Variants in CLIP1 observed in about 807,000 individuals in gnomAD.
The protein encoded by CLIP1 is CAP-Gly domain-containing linker protein 1.
CLIP1 carries 66 observed loss-of-function variants against 161.6 expected under a neutral mutation model. The observed-to-expected ratio is 0.41, with a 90% CI of 0.33 to 0.50. The LOEUF (loss-of-function observed/expected upper bound fraction) is 0.50, where lower values mean the gene tolerates loss of function less well. Among genes scored for constraint, CLIP1 ranks in the 20% least tolerant of loss-of-function variants. The probability of loss-of-function intolerance (pLI) is 0.27; values close to 1 mark genes in which losing one functional copy is unlikely to be tolerated. For synonymous variants in CLIP1, 598 were observed against 626.2 expected, an observed-to-expected ratio of 0.96 and a Z score of 0.67; for missense variants, 1,376 against 1,702.0, an observed-to-expected ratio of 0.81 and a Z score of 3.37.
intron 21 of CLIP1, among the ~76,000 whole-genome samples, chr12:122,284,943 A>G (rs545825203): frequency 6.6e-6 from 1 of 152,038 alleles, no homozygotes; most frequent in South Asian, 2.1e-4. Context: ...CATTTTATGT[A>G]TTTATTTTAT....
chr12:122,368,910 A>T (rs1413336689), intron 3 of CLIP1, among the ~76,000 whole-genome samples: 14 of 152,234 alleles, frequency 9.2e-5, no homozygotes, highest in Admixed American at 5.9e-4. Flanking sequence ...CAATAAAAAA[A>T]AAATAAAATA....
At chr12:122,422,431 C>T (rs1956984678) in intron 1 of CLIP1, 90 bp downstream of exon 1, 1 of 151,568 alleles carries the variant, frequency 6.6e-6, no homozygotes, top group Non-Finnish European at 1.5e-5. Flanking sequence ...ACCCCCGACC[C>T]GACCCTGGGC....
chr12:122,342,123 C>T (rs925972994), intron 10 of CLIP1: 3 of 152,598 alleles, frequency 2.0e-5, no homozygotes, highest in African/African-American at 7.2e-5. Context: ...TAATAACTAC[C>T]CCATCTCAGG....
At chr12:122,387,542 C>T (rs1327032188) in intron 1 of CLIP1, among the ~76,000 whole-genome samples, 6 of 106,298 alleles carry the variant, frequency 5.6e-5, no homozygotes, top group African/African-American at 1.1e-4. Flanking sequence ...GAATACATGC[C>T]TTTTCATATA....
chr12:122,408,477 T>C (rs1288840669), intron 1 of CLIP1, among the ~76,000 whole-genome samples: 2 of 151,270 alleles, frequency 1.3e-5, no homozygotes, highest in African/African-American at 2.4e-5. Context: ...GCCTCCCGAG[T>C]AGCTGGGACT....
chr12:122,369,668 G>C (rs1343128854), intron 3 of CLIP1, among the ~76,000 whole-genome samples: 1 of 151,728 alleles, frequency 6.6e-6, no homozygotes, highest in African/African-American at 2.4e-5. Flanking sequence ...TTTTCAACTG[G>C]TGAAGAGGGC....
chr12:122,325,651 GTTTTTA>G (rs954707318), intron 17 of CLIP1, among the ~76,000 whole-genome samples: 2 of 119,200 alleles, frequency 1.7e-5, no homozygotes, highest in Non-Finnish European at 3.9e-5. Context: ...CCATATTAAG[GTTTTTA>G]TTTTTATTTA....
At chr12:122,330,663 G>A (rs1006863088) in intron 15 of CLIP1, among the ~76,000 whole-genome samples, 3 of 139,426 alleles carry the variant, frequency 2.2e-5, no homozygotes, top group Admixed American at 7.8e-5. Flanking sequence ...GCAATGGTGC[G>A]ATCTGAGCTC....
chr12:122,342,207 T>C (rs1319805478), intron 10 of CLIP1: 1 of 152,274 alleles, frequency 6.6e-6, no homozygotes, highest in Admixed American at 6.5e-5. Context: ...CCAACTTTAG[T>C]ATCTCCAATT....
At chr12:122,297,241 A>G (rs1335811986) in intron 20 of CLIP1, among the ~76,000 whole-genome samples, 1 of 152,186 alleles carries the variant, frequency 6.6e-6, no homozygotes, top group Admixed American at 6.5e-5. Flanking sequence ...CAGCTACGCT[A>G]AGAAAAATAG....
chr12:122,384,717 C>T (rs987578689), intron 1 of CLIP1, among the ~76,000 whole-genome samples: 9 of 151,038 alleles, frequency 6.0e-5, no homozygotes, highest in African/African-American at 1.7e-4. Flanking sequence ...GCCGAGATCG[C>T]GCCACTGCAC....
At chr12:122,412,064 T>C (rs1344654038) in intron 1 of CLIP1, among the ~76,000 whole-genome samples, 1 of 143,370 alleles carries the variant, frequency 7.0e-6, no homozygotes, top group East Asian at 2.0e-4. Context: ...TATTTTCTTT[T>C]TTTTTTTTTT....
rs144658800 is a variant in CLIP1 at position 122,321,781 on chromosome 12, A to G, written c.3250-2433T>C. On this transcript the variant is annotated intron_variant, in intron 17 of 25. Coordinates refer to ENST00000620786, the MANE Select transcript of CLIP1 (RefSeq NM_001247997.2). ...CCATCTGTCCACCTCAGCCTCCCAA[A>G]GTGCTGGGATTACAGGCGTGAGCCA... 3.7e-3 allele frequency among the ~76,000 whole-genome samples: 567 copies of G among 152,278 alleles called. 3 individuals carry two copies. Among genetic ancestry groups the G allele is most frequent in the African/African-American group, 0.013 (524 of 41,552 alleles).
intron 20 of CLIP1, among the ~76,000 whole-genome samples, chr12:122,294,685 T>G (rs893789712): frequency 2.0e-5 from 3 of 151,168 alleles, no homozygotes; most frequent in African/African-American, 7.3e-5. Context: ...CTACAATGAG[T>G]CAAGACTGCA....
At chr12:122,364,965 C>T in intron 3 of CLIP1, 1 of 443,758 alleles carries the variant, frequency 2.3e-6, no homozygotes. Flanking sequence ...AATCATCATT[C>T]TCAGTAAACT....
chr12:122,390,808 A>G (rs1370530936), intron 1 of CLIP1, among the ~76,000 whole-genome samples: 1 of 152,056 alleles, frequency 6.6e-6, no homozygotes, highest in Non-Finnish European at 1.5e-5. Context: ...AAAAAAAAGA[A>G]TAAAATGTTT....
At chr12:122,388,679 G>A (rs1024909106) in intron 1 of CLIP1, among the ~76,000 whole-genome samples, 3 of 151,884 alleles carry the variant, frequency 2.0e-5, no homozygotes, top group African/African-American at 2.4e-5. Flanking sequence ...AGTGATTCAC[G>A]AACCCCAACC....
chr12:122,408,342 T>C (rs1014639233), intron 1 of CLIP1, among the ~76,000 whole-genome samples: 11 of 152,226 alleles, frequency 7.2e-5, no homozygotes, highest in African/African-American at 2.2e-4. Flanking sequence ...GAGACATTTC[T>C]TTATTTTTTA....
chr12:122,385,449 C>G (rs146489638), intron 1 of CLIP1, among the ~76,000 whole-genome samples: 144 of 152,240 alleles, frequency 9.5e-4, no homozygotes, highest in African/African-American at 3.4e-3. Flanking sequence ...CTTACACTCC[C>G]AGGGGATATT....
Sources: gnomAD v4.1 joint callset for allele counts (sites outside exome capture counted in the v4.1 genomes callset) on GRCh38, gnomAD v4.1.1 for gene constraint, MANE v1.5 for transcripts, NCBI Gene and HGNC (gene_info 2026-07-23, HGNC 2026-07-21) for gene names.